The following KCNAB1 variants were observed in gnomAD, a reference collection of about 807,000 sequenced individuals.
The protein encoded by KCNAB1 is potassium voltage-gated channel subfamily A regulatory beta subunit 1, also known as voltage-gated potassium channel subunit beta-1.
A neutral mutation model predicts 64.6 loss-of-function variants in KCNAB1; 35 were observed. The observed-to-expected ratio is 0.54, with a 90% CI of 0.41 to 0.72. KCNAB1 has a LOEUF of 0.72. Ranked by LOEUF, KCNAB1 falls within the 30% of genes least tolerant of loss-of-function variation. KCNAB1 has a pLI of 0.00. For synonymous variants in KCNAB1, 177 were observed against 183.8 expected (o/e 0.96, Z 0.30); for missense variants, 401 against 512.9 (o/e 0.78, Z 2.11).
At chr3:156,528,425 T>G (rs564433677) in intron 12 of KCNAB1, among the ~76,000 whole-genome samples, 1 of 152,324 alleles carries the variant, frequency 6.6e-6, no homozygotes, top group East Asian at 1.9e-4. Flanking sequence ...GACACTGGGC[T>G]GGTGGCTGAG....
intron 1 of KCNAB1, among the ~76,000 whole-genome samples, chr3:156,351,534 A>C (rs73164707): frequency 6.6e-6 from 1 of 152,106 alleles, no homozygotes; most frequent in Non-Finnish European, 1.5e-5. Flanking sequence ...TTTAATCTTC[A>C]TTTGGCATCT....
chr3:156,536,449 C>A, intron 13 of KCNAB1: 1 of 527,556 alleles, frequency 1.9e-6, no homozygotes, highest in Non-Finnish European at 3.4e-6. Flanking sequence ...TTCACTTATG[C>A]CTTTATGCCT....
intron 2 of KCNAB1, among the ~76,000 whole-genome samples, chr3:156,443,392 A>C (rs1180255887): frequency 1.3e-5 from 2 of 152,132 alleles, no homozygotes; most frequent in African/African-American, 4.8e-5. Flanking sequence ...GGAATAGAGC[A>C]TAGGGGCTGT....
At chr3:156,421,579 G>A in intron 1 of KCNAB1, 37 bp from the exon 2 acceptor site, 1 of 1,608,414 alleles carries the variant, frequency 6.2e-7, no homozygotes, top group Non-Finnish European at 8.5e-7. Flanking sequence ...TCCACCTGAG[G>A]AAATGATGAC....
At chr3:156,234,407 C>T (rs1391846937) in intron 1 of KCNAB1, among the ~76,000 whole-genome samples, 1 of 152,100 alleles carries the variant, frequency 6.6e-6, no homozygotes, top group Non-Finnish European at 1.5e-5. Flanking sequence ...GGAGCCAGAA[C>T]ATAAGCAGAA....
chr3:156,284,877 A>G (rs1173252914), intron 1 of KCNAB1, among the ~76,000 whole-genome samples: 3 of 152,116 alleles, frequency 2.0e-5, no homozygotes. Flanking sequence ...GGCACTCCCT[A>G]GTGAGATGAA....
At chr3:156,174,094 A>G (rs1237577611) in intron 1 of KCNAB1, among the ~76,000 whole-genome samples, 1 of 152,198 alleles carries the variant, frequency 6.6e-6, no homozygotes, top group African/African-American at 2.4e-5. Context: ...CTATAATCAT[A>G]TGAACAAATT....
At chr3:156,518,025 A>G (rs1264180044) in intron 11 of KCNAB1, among the ~76,000 whole-genome samples, 2 of 152,242 alleles carry the variant, frequency 1.3e-5, no homozygotes, top group African/African-American at 4.8e-5. Flanking sequence ...TTTGGAGTGC[A>G]TGATTGTCTA....
intron 1 of KCNAB1, among the ~76,000 whole-genome samples, chr3:156,188,429 G>A (rs192925316): frequency 1.0e-3 from 157 of 151,970 alleles, no homozygotes; most frequent in African/African-American, 3.6e-3. Flanking sequence ...GTTAAAAAAA[G>A]CCATGGTAAA....
In KCNAB1 at chr3:156,162,647, C is replaced by T. The variant is rs1716150178; in HGVS notation, c.275+41761C>T. ...GTGAAATTCCTTCAGATAATTTCTGCTGATGACTGAAAGTGAGGCGATTTG... is the reference window on the plus strand; with the variant it reads ...GTGAAATTCCTTCAGATAATTTCTGTTGATGACTGAAAGTGAGGCGATTTG... On this transcript the variant is annotated intron_variant, in intron 1 of 13. Transcript: ENST00000490337. 3.3e-5 allele frequency among the ~76,000 whole-genome samples: 5 copies of T among 152,142 alleles called. No homozygotes were observed. The South Asian group carries it at 1.0e-3, about 32-fold the overall frequency.
Position 156,356,275 on chromosome 3 carries a change from T to C in KCNAB1, c.276-65341T>C, listed in dbSNP as rs569945564. Among the ~76,000 whole-genome samples the C allele has an allele frequency of 8.5e-5, 13 of 152,264 alleles. No individual in the cohort carries two copies. The East Asian group carries it at 2.5e-3, about 29-fold the overall frequency. ...GAAACCTGTCATAATGCATAACTTA[T>C]GGAGGAATGAATGTGAACATAAAAA... On this transcript the variant is annotated intron_variant, in intron 1 of 13. Transcript: ENST00000490337.
At chr3:156,379,118 G>A (rs1266004634) in intron 1 of KCNAB1, among the ~76,000 whole-genome samples, 3 of 152,228 alleles carry the variant, frequency 2.0e-5, no homozygotes, top group Non-Finnish European at 4.4e-5. Context: ...AGAACTCTGT[G>A]AGCATTGCAT....
At chr3:156,286,407 T>C (rs1720101582) in intron 1 of KCNAB1, among the ~76,000 whole-genome samples, 1 of 152,216 alleles carries the variant, frequency 6.6e-6, no homozygotes, top group Non-Finnish European at 1.5e-5. Flanking sequence ...TAGCATTCTT[T>C]TCTGTTTTGG....
At chr3:156,355,187 C>T (rs1725149626) in intron 1 of KCNAB1, among the ~76,000 whole-genome samples, 1 of 152,156 alleles carries the variant, frequency 6.6e-6, no homozygotes, top group East Asian at 1.9e-4. Flanking sequence ...AAAGTATATT[C>T]ACATGTACCA....
intron 11 of KCNAB1, 43 bp downstream of exon 11, chr3:156,516,407 G>C (rs199959393): frequency 1.4e-6 from 2 of 1,382,706 alleles, no homozygotes; most frequent in East Asian, 2.3e-5. Flanking sequence ...GAGTAGGAAG[G>C]AGGGAAGAAG....
intron 8 of KCNAB1, among the ~76,000 whole-genome samples, chr3:156,498,355 G>A (rs900757318): frequency 6.6e-6 from 1 of 152,144 alleles, no homozygotes; most frequent in Non-Finnish European, 1.5e-5. Flanking sequence ...CAATTCCCAC[G>A]TGTTGTGGGA....
At chr3:156,461,019 G>C (rs2108294795) in intron 5 of KCNAB1, among the ~76,000 whole-genome samples, 1 of 152,184 alleles carries the variant, frequency 6.6e-6, no homozygotes, top group East Asian at 1.9e-4. Context: ...CCCATCCCAG[G>C]GAACTGTAAG....
At chr3:156,267,484 A>C (rs1168532819) in intron 1 of KCNAB1, among the ~76,000 whole-genome samples, 1 of 152,170 alleles carries the variant, frequency 6.6e-6, no homozygotes. Context: ...GCCTAGAGGG[A>C]GGAGTTCTCA....
At chr3:156,387,014 C>CTTTTTTTTTTTTTTTTTT (rs1194708289) in intron 1 of KCNAB1, among the ~76,000 whole-genome samples, 7 of 90,522 alleles carry the variant, frequency 7.7e-5, no homozygotes, top group African/African-American at 1.6e-4. Flanking sequence ...TTCTCTCTCT[C>CTTTTTTTTTTTTTTTTTT]TTTTTTTTTT....
Sources: allele counts gnomAD v4.1 joint callset (sites outside exome capture counted in the v4.1 genomes callset), GRCh38; gene constraint gnomAD v4.1.1; transcripts MANE v1.5; gene names NCBI Gene and HGNC (gene_info 2026-07-23, HGNC 2026-07-21).